The following UGT2B10 variants were observed in gnomAD, a reference collection of about 807,000 sequenced individuals.
The protein encoded by UGT2B10 is UDP-glucuronosyltransferase 2B10.
In UGT2B10, 51 loss-of-function variants were observed where a neutral mutation model predicts 43.7. That is an observed-to-expected ratio of 1.17 (90% CI 0.93 to 1.47). The LOEUF (loss-of-function observed/expected upper bound fraction) is 1.47. Among genes scored for constraint, UGT2B10 ranks in the 40% most tolerant of loss-of-function variants. UGT2B10 has a pLI of 0.00. For missense variants in UGT2B10, 696 were observed against 617.7 expected, an observed-to-expected ratio of 1.13 and a Z score of -1.34; for synonymous variants, 225 against 209.0, an observed-to-expected ratio of 1.08 and a Z score of -0.66.
chr4:68,823,303 C>T (rs1186784281), intron 3 of UGT2B10, among the ~76,000 whole-genome samples: 3 of 152,022 alleles, frequency 2.0e-5, no homozygotes, highest in East Asian at 2.0e-4. Flanking sequence ...GTCAGGAGAT[C>T]GAGATCACCC....
rs186814479 is a variant in UGT2B10, at chr4:68,818,082, C to G, written c.772C>G (p.Arg258Gly). 1.2e-6 allele frequency: 2 copies of G among 1,611,298 alleles called. No homozygotes were observed. The highest frequency in any genetic ancestry group is 1.7e-6 in the Non-Finnish European group (2 of 1,178,304). The change falls in exon 2 of 6, where the codon CGA becomes GGA. Residue 258 changes from arginine (R) to glycine (G), a missense_variant. Physicochemically the swap from Arg to Gly is moderately radical, Grantham distance 125 (BLOSUM62 -2). Transcript: ENST00000265403. Reference protein sequence around the residue: ...TMRKADIWLMRNSWNFKFPHP... With the variant: ...TMRKADIWLMGNSWNFKFPHP... ...GAGGAAAGCTGACATATGGCTTATGCGAAACTCCTGGAATTTTAAATTTCC... is the reference window on the plus strand; with the variant it reads ...GAGGAAAGCTGACATATGGCTTATGGGAAACTCCTGGAATTTTAAATTTCC...
chr4:68,827,271 C>T, intron 4 of UGT2B10, 58 bp from the exon 5 acceptor site: 2 of 1,610,008 alleles, frequency 1.2e-6, no homozygotes, highest in Non-Finnish European at 1.7e-6. Flanking sequence ...CAGAGCCTTT[C>T]ATTGTGCATC....
chr4:68,827,633 AAG>A (rs1737864757), intron 5 of UGT2B10, 85 bp downstream of exon 5: 3 of 1,552,590 alleles, frequency 1.9e-6, no homozygotes, highest in African/African-American at 1.4e-5. Context: ...TCCTTTTTAT[AAG>A]AGAGTGATTT....
chr4:68,826,244 T>A (rs991215495), intron 3 of UGT2B10, among the ~76,000 whole-genome samples, 166 bp from the exon 4 acceptor site: 5 of 152,190 alleles, frequency 3.3e-5, no homozygotes, highest in Admixed American at 6.6e-5. Flanking sequence ...ACCTAAATCA[T>A]TATAAAAGTT....
chr4:68,830,479 T>G, intron 5 of UGT2B10, 121 bp from the exon 6 acceptor site: 1 of 1,244,860 alleles, frequency 8.0e-7, no homozygotes, highest in Non-Finnish European at 1.1e-6. Context: ...ACATAAATTC[T>G]ATATCAATTC....
intron 2 of UGT2B10, among the ~76,000 whole-genome samples, chr4:68,818,405 T>C (rs1160646771): frequency 6.6e-6 from 1 of 151,822 alleles, no homozygotes; most frequent in Non-Finnish European, 1.5e-5. Flanking sequence ...AAAATAGGGT[T>C]GGTTAAATTA....
chr4:68,829,024 C>A lies in UGT2B10; in HGVS notation c.1307+1476C>A, dbSNP rs188846792. Among the ~76,000 whole-genome samples the A allele has an allele frequency of 2.1e-3, 321 of 151,950 alleles. 2 individuals are homozygous for A. The highest frequency in any genetic ancestry group is 0.017 in the Middle Eastern group (5 of 294). ...CAGCAATTCTACTCTCAATTATATA[C>A]CCAACAGATATGTATAAATATATAA... On this transcript the variant is annotated intron_variant, in intron 5 of 5. Coordinates refer to ENST00000265403, the MANE Select transcript of UGT2B10 (RefSeq NM_001075.6).
chr4:68,819,653 A>T (rs1294703234), intron 2 of UGT2B10, among the ~76,000 whole-genome samples: 2 of 151,944 alleles, frequency 1.3e-5, no homozygotes, highest in Non-Finnish European at 2.9e-5. Context: ...TTCCTGGGGG[A>T]ACTCGTCTTG....
chr4:68,817,954 T>A, intron 1 of UGT2B10, 75 bp from the exon 2 acceptor site: 1 of 1,552,194 alleles, frequency 6.4e-7, no homozygotes, highest in South Asian at 1.3e-5. Flanking sequence ...CCTGCATTAT[T>A]CTAACCCCTT....
Position 68,816,313 on chromosome 4 carries a change from A to C in UGT2B10, c.294A>C (p.Glu98Asp). The C allele has an allele frequency of 6.2e-7, 1 of 1,613,138 alleles. No individual in the cohort carries two copies. The highest frequency in any genetic ancestry group is 8.5e-7 in the Non-Finnish European group (1 of 1,179,430). Residue 98 changes from glutamate to aspartate, a missense_variant, in exon 1 of 6, where the codon GAA (glutamate) becomes GAC (aspartate). Physicochemically the swap from Glu to Asp is conservative, Grantham distance 45 (BLOSUM62 2). Transcript: ENST00000265403. ...IIMQLVKRLS[E>D]IQKDTFWLPF... The stretch of plus-strand genomic sequence containing the variant: ...TGCAATTGGTTAAGAGATTGTCAGA[A>C]ATTCAAAAAGATACATTTTGGTTAC...
In UGT2B10 at chr4:68,827,530, C is replaced by G. The variant is rs1737855522; in HGVS notation, c.1289C>G (p.Thr430Arg). ...SSTDLLNALK[T>R]VINDPSYKEN... The stretch of plus-strand genomic sequence containing the variant: ...ACAGACCTGCTGAATGCACTGAAGA[C>G]AGTAATTAATGATCCTTCGTGAGTA... Residue 430 changes from threonine to arginine, a missense_variant, in exon 5 of 6, where the codon ACA (threonine) becomes AGA (arginine). By Grantham distance (71) the Thr-to-Arg change is moderately conservative (BLOSUM62 -1). Transcript: ENST00000265403. 1.9e-6 allele frequency: 3 copies of G among 1,613,270 alleles called. No homozygotes were observed. Among genetic ancestry groups the G allele is most frequent in the African/African-American group, 1.3e-5 (1 of 74,968 alleles).
At chr4:68,825,711 T>C (rs1737739636) in intron 3 of UGT2B10, among the ~76,000 whole-genome samples, 1 of 152,136 alleles carries the variant, frequency 6.6e-6, no homozygotes, top group African/African-American at 2.4e-5. Context: ...AGTGTATATA[T>C]ACCATATTTT....
chr4:68,823,759 T>C (rs1737632287), intron 3 of UGT2B10, among the ~76,000 whole-genome samples: 1 of 152,166 alleles, frequency 6.6e-6, no homozygotes. Context: ...GGGAAAGCAC[T>C]AATTATCTCA....
At position 68,816,293 on chromosome 4, in the gene UGT2B10, T is replaced by C; in HGVS notation, c.274T>C (p.Leu92=). The change falls in exon 1 of 6, where the codon TTG becomes CTG. Residue 92 remains leucine, a synonymous_variant. Coordinates refer to ENST00000265403, the MANE Select transcript of UGT2B10 (RefSeq NM_001075.6). ...TGAATTTGAGAATATCATCATGCAATTGGTTAAGAGATTGTCAGAAATTCA... is the reference window on the plus strand; with the variant it reads ...TGAATTTGAGAATATCATCATGCAACTGGTTAAGAGATTGTCAGAAATTCA... ...KTEFENIIMQ[L]VKRLSEIQKD... 1 of 1,613,068 alleles carries C rather than the reference T, an allele frequency of 6.2e-7. No individual in the cohort carries two copies. The highest frequency in any genetic ancestry group is 8.5e-7 in the Non-Finnish European group (1 of 1,179,412).
chr4:68,823,625 G>T (rs1340840280), intron 3 of UGT2B10, among the ~76,000 whole-genome samples: 2 of 151,788 alleles, frequency 1.3e-5, no homozygotes, highest in Non-Finnish European at 2.9e-5. Context: ...TTCAGCATAG[G>T]GAACAAACTT....
At chr4:68,819,087 T>C (rs553199772) in intron 2 of UGT2B10, among the ~76,000 whole-genome samples, 10 of 152,030 alleles carry the variant, frequency 6.6e-5, no homozygotes, top group African/African-American at 2.4e-4. Context: ...TAATTATGCC[T>C]ACATTTACAA....
chr4:68,820,458 A>G (rs1279364105), intron 2 of UGT2B10, among the ~76,000 whole-genome samples: 1 of 152,102 alleles, frequency 6.6e-6, no homozygotes, highest in African/African-American at 2.4e-5. Flanking sequence ...ATCAAGGTGT[A>G]CCTTTTAAAC....
rs535721480 is a variant in UGT2B10 at position 68,825,600 on chromosome 4, C to A, written c.1000-810C>A. On this transcript the variant is annotated intron_variant, in intron 3 of 5. Coordinates refer to ENST00000265403, the MANE Select transcript of UGT2B10 (RefSeq NM_001075.6). ...GTGAGGACTTGTTACACTTGGATTTCAATTCCTATGTTAGTTTGCTAAGGC... is the reference window on the plus strand; with the variant it reads ...GTGAGGACTTGTTACACTTGGATTTAAATTCCTATGTTAGTTTGCTAAGGC... 1.5e-4 allele frequency among the ~76,000 whole-genome samples: 23 copies of A among 152,172 alleles called. No homozygotes were observed. In the East Asian group the frequency reaches 4.5e-3, roughly 29 times the overall value.
Position 68,823,820 on chromosome 4 carries a change from C to T in UGT2B10, c.999+1418C>T, listed in dbSNP as rs1453933765. On this transcript the variant is annotated intron_variant, in intron 3 of 5. Transcript: ENST00000265403. ...ACATGGATGATGCTATAATAATAGG[C>T]TGTTTTTCATTGATAATAAGTTTGG... Among the ~76,000 whole-genome samples, 4 of 152,080 alleles carry T rather than the reference C, an allele frequency of 2.6e-5. No individual in the cohort carries two copies. In the East Asian group the frequency reaches 7.7e-4, roughly 29 times the overall value.
Sources: gnomAD v4.1 joint callset for allele counts (sites outside exome capture counted in the v4.1 genomes callset) on GRCh38, gnomAD v4.1.1 for gene constraint, MANE v1.5 for transcripts, NCBI Gene and HGNC (gene_info 2026-07-23, HGNC 2026-07-21) for gene names.